IRAK1: variants seen among roughly 807,000 people sequenced by gnomAD.
The protein encoded by IRAK1 is interleukin-1 receptor-associated kinase 1.
A neutral mutation model predicts 49.8 loss-of-function variants in IRAK1; 9 were observed. The ratio of observed to expected loss-of-function variants is 0.18; its 90% CI spans 0.11 to 0.32. The LOEUF (loss-of-function observed/expected upper bound fraction) is 0.32. IRAK1 is among the 10% of genes least tolerant of loss of function. The pLI is 1.00. For missense variants in IRAK1, 418 were observed against 600.5 expected (o/e 0.70, Z 3.18); for synonymous variants, 282 against 270.8 (o/e 1.04, Z -0.41).
In IRAK1 at chrX:154,014,228, G is replaced by A. The variant is rs1557128501; in HGVS notation, c.1353C>T (p.Ser451=). Residue 451 remains serine, a synonymous_variant, in exon 11 of 14, where the codon AGC becomes AGT. Transcript: ENST00000369980. ...GACCTGCTTGCAGTGTGCTCTGGGTGCTTCTCAAAGCCACTCCAGCCTCCT... is the reference window on the plus strand; with the variant it reads ...GACCTGCTTGCAGTGTGCTCTGGGTACTTCTCAAAGCCACTCCAGCCTCCT... ...EAEEAGVALR[S]TQSTLQAGLA... is the part of the protein sequence containing the mutation. 3 of 1,205,715 alleles carry A rather than the reference G, an allele frequency of 2.5e-6. No individual in the cohort carries two copies. In the East Asian group the frequency reaches 8.9e-5, roughly 36 times the overall value.
rs782732439 is a variant in IRAK1, at chrX:154,016,987, A to C, written c.990T>G (p.His330Gln). 1 of 1,208,922 alleles carries C rather than the reference A, an allele frequency of 8.3e-7. No homozygotes were observed. Among genetic ancestry groups the C allele is most frequent in the Non-Finnish European group, 1.1e-6 (1 of 892,765 alleles). ...CATGGATGAGGCTGGGGCTGTCCTG[A>C]TGTAGAAACTGAATTGCCCGGGCTG... Reference protein sequence around the residue: ...LGTARAIQFLHQDSPSLIHGD... With the variant: ...LGTARAIQFLQQDSPSLIHGD... Residue 330 changes from histidine to glutamine, a missense_variant, in exon 8 of 14, where the codon CAT (histidine) becomes CAG (glutamine). His to Gln is a conservative substitution (Grantham distance 24, BLOSUM62 0). This residue lies in a region of IRAK1 where 377 missense variants were observed against 499.5 expected (regional missense o/e 0.75). Transcript: ENST00000369980.
rs1557129887 is a variant in IRAK1, at chrX:154,018,010, C to A, written c.905G>T (p.Cys302Phe). The A allele has an allele frequency of 8.4e-7, 1 of 1,193,178 alleles. No individual in the cohort carries two copies. Among genetic ancestry groups the A allele is most frequent in the South Asian group, 1.8e-5 (1 of 56,597 alleles). Residue 302 changes from cysteine (C) to phenylalanine (F), a missense_variant, in exon 7 of 14, where the codon TGC (cysteine) becomes TTC (phenylalanine). Physicochemically the swap from Cys to Phe is radical, Grantham distance 205. Transcript: ENST00000369980. ...TGCCGGGCCAGGTGAGCCTACCTGG[C>A]AGTGGAGACGGTCCTCCAGGGAGCC... is the stretch of plus-strand genomic sequence containing the variant. ...PNGSLEDRLH[C>F]QTQACPPLSW...
intron 9 of IRAK1, 86 bp from the exon 10 acceptor site, chrX:154,016,183 G>C (rs1433948344): frequency 2.4e-6 from 2 of 841,116 alleles, no homozygotes. Context: ...CCTGACAAGG[G>C]TGTGGACAAA....
rs1223977880 is a variant in IRAK1 at position 154,019,324 on chromosome X, G to A, written c.309C>T (p.His103=). Residue 103 remains histidine, a synonymous_variant, in exon 3 of 14, where the codon CAC becomes CAT. Transcript: ENST00000369980. Reference sequence around the variant, plus strand: ...CTGGGGACGGAAGCGGGGCGGGAGGGTGCCCTGGGACGCCAAGGAAGGAAA... The same window carrying A: ...CTGGGGACGGAAGCGGGGCGGGAGGATGCCCTGGGACGCCAAGGAAGGAAA... ...LRARDIITAW[H]PPAPLPSPGT... 8.6e-7 allele frequency: 1 copy of A among 1,162,592 alleles called. No individual in the cohort carries two copies. Among genetic ancestry groups the A allele is most frequent in the Non-Finnish European group, 1.1e-6 (1 of 870,072 alleles).
At chrX:154,015,421 G>A (rs1274421981) in intron 10 of IRAK1, among the ~76,000 whole-genome samples, 1 of 112,655 alleles carries the variant, frequency 8.9e-6, no homozygotes, top group African/African-American at 3.2e-5. Flanking sequence ...ACAGCACACA[G>A]GAACCGCCCC....
rs1557127304 is a variant in IRAK1, at chrX:154,011,109, G to A, written c.*750C>T. The stretch of plus-strand genomic sequence containing the variant: ...TCCCAGGGTTTTTCTTTTTGAAACA[G>A]GGTCTTGCTCTGTCACCCAGGCTGG... On this transcript the variant is annotated 3_prime_UTR_variant, in exon 14 of 14. Coordinates refer to ENST00000369980, the MANE Select transcript of IRAK1 (RefSeq NM_001569.4). The A allele has an allele frequency of 2.9e-6, 1 of 339,530 alleles. No homozygotes were observed. Among genetic ancestry groups the A allele is most frequent in the African/African-American group, 2.6e-5 (1 of 37,747 alleles). 28.0% of individuals were successfully genotyped at this position (339,530 alleles called of 1,213,427 possible).
rs782721815 is a variant in IRAK1 at position 154,014,216 on chromosome X, T to G, written c.1365A>C (p.Thr455=). The G allele has an allele frequency of 3.3e-6, 4 of 1,209,900 alleles. No homozygotes were observed. Among genetic ancestry groups the G allele is most frequent in the Non-Finnish European group, 3.4e-6 (3 of 894,529 alleles). Reference sequence around the variant, plus strand: ...CATCTGCAGCCAGACCTGCTTGCAGTGTGCTCTGGGTGCTTCTCAAAGCCA... The same window carrying G: ...CATCTGCAGCCAGACCTGCTTGCAGGGTGCTCTGGGTGCTTCTCAAAGCCA... The part of the protein sequence containing the change: ...AGVALRSTQS[T]LQAGLAADAW... Residue 455 remains threonine, a synonymous_variant, in exon 11 of 14, where the codon ACA becomes ACC. Coordinates refer to ENST00000369980, the MANE Select transcript of IRAK1 (RefSeq NM_001569.4).
At chrX:154,014,392 AAG>A in intron 10 of IRAK1, 114 bp from the exon 11 acceptor site, 2 of 668,531 alleles carry the variant, frequency 3.0e-6, no homozygotes, top group Admixed American at 7.6e-5. Flanking sequence ...AAAAAAAAAA[AAG>A]AGATGGGGTC....
At chrX:154,012,888 A>G (rs1360914870) in intron 12 of IRAK1, among the ~76,000 whole-genome samples, 155 bp downstream of exon 12, 2 of 113,015 alleles carry the variant, frequency 1.8e-5, no homozygotes, top group Non-Finnish European at 3.8e-5. Flanking sequence ...CCTGGGAAGG[A>G]TGTGGCCTGG....
chrX:154,017,327 G>A (rs782154884), intron 7 of IRAK1, among the ~76,000 whole-genome samples: 4 of 112,500 alleles, frequency 3.6e-5, no homozygotes, highest in East Asian at 5.6e-4. Flanking sequence ...GTCCTTGAAG[G>A]CATTCTTCCC....
In IRAK1 at chrX:154,011,370, G is replaced by A. The variant is rs942588241; in HGVS notation, c.*489C>T. ...CTCCCAAAGTGCTGGGATTACAGGC[G>A]TGAGCCACCGCACCCGGCCACACTT... On this transcript the variant is annotated 3_prime_UTR_variant, in exon 14 of 14. Coordinates refer to ENST00000369980, the MANE Select transcript of IRAK1 (RefSeq NM_001569.4). The A allele has an allele frequency of 2.8e-5, 7 of 247,081 alleles. No homozygotes were observed. The highest frequency in any genetic ancestry group is 2.6e-4 in the Admixed American group (5 of 18,934). 20.4% of individuals were successfully genotyped at this position (247,081 alleles called of 1,213,427 possible).
chrX:154,015,723 C>T (rs1270492355), intron 10 of IRAK1, among the ~76,000 whole-genome samples: 2 of 112,024 alleles, frequency 1.8e-5, no homozygotes, highest in African/African-American at 3.2e-5. Flanking sequence ...TCTCTACCAC[C>T]GCCTTTCTCC....
chrX:154,013,987 G>A, intron 11 of IRAK1, 55 bp downstream of exon 11: 1 of 1,171,354 alleles, frequency 8.5e-7, no homozygotes, highest in Non-Finnish European at 1.1e-6. Context: ...ACAGAGCAAG[G>A]CCTGGAATGC....
chrX:154,016,458 C>G lies in IRAK1; in HGVS notation c.1215G>C (p.Thr405=). Residue 405 remains threonine, a synonymous_variant, in exon 9 of 14, where the codon ACG becomes ACC. Transcript: ENST00000369980. ...TCACCACCCCAAAGCTGAAGGTGTC[C>G]GTGTCCACAGCCAGCCTTCCCGTCT... ...YIKTGRLAVD[T]DTFSFGVVVL... 5 of 1,211,275 alleles carry G rather than the reference C, an allele frequency of 4.1e-6. No homozygotes were observed. Among genetic ancestry groups the G allele is most frequent in the Non-Finnish European group, 5.6e-6 (5 of 894,834 alleles).
In IRAK1 at chrX:154,012,782, C is replaced by T. The variant is rs3027904; in HGVS notation, c.1931-104G>A. On this transcript the variant is annotated intron_variant, in intron 12 of 13. Transcript: ENST00000369980. ...CAGGCCTGAATTCCTCAGAGAAGTCCAAGGGCAGGGCCCAGCTCTCAGGCT... is the reference window on the plus strand; with the variant it reads ...CAGGCCTGAATTCCTCAGAGAAGTCTAAGGGCAGGGCCCAGCTCTCAGGCT... 4.6e-3 allele frequency: 4,267 copies of T among 936,165 alleles called. 113 individuals are homozygous for T. The African/African-American group carries it at 0.073, about 16-fold the overall frequency. The allele number at this position is 936,165 out of a possible 1,213,427, so 77.2% of individuals were successfully genotyped here.
In IRAK1 at chrX:154,018,765, G is replaced by A. The variant is rs1461634431; in HGVS notation, c.563C>T (p.Ser188Phe). 1.1e-6 allele frequency: 1 copy of A among 872,681 alleles called. No homozygotes were observed. The highest frequency in any genetic ancestry group is 1.7e-6 in the Non-Finnish European group (1 of 588,072). 71.9% of individuals were successfully genotyped at this position (872,681 alleles called of 1,213,427 possible). The change falls in exon 5 of 14, where the codon TCC (serine) becomes TTC (phenylalanine). Residue 188 changes from serine to phenylalanine, a missense_variant. By Grantham distance (155) the Ser-to-Phe change is radical. Coordinates refer to ENST00000369980, the MANE Select transcript of IRAK1 (RefSeq NM_001569.4). The stretch of plus-strand genomic sequence containing the variant: ...AAAGGGGCGGGCTCCCTGCAGGAGG[G>A]ACACTGAGCTCTCTGGGCCTGGCTG... ...STKPGPESSV[S>F]LLQGARPFPF...
rs906604012 is a variant in IRAK1 at position 154,019,214 on chromosome X, G to A, written c.419C>T (p.Ser140Phe). 1 of 1,211,145 alleles carries A rather than the reference G, an allele frequency of 8.3e-7. No individual in the cohort carries two copies. Among genetic ancestry groups the A allele is most frequent in the Admixed American group, 2.2e-5 (1 of 46,039 alleles). Residue 140 changes from serine (S) to phenylalanine (F), a missense_variant, in exon 3 of 14, where the codon TCC becomes TTC. This residue lies in a region of IRAK1 where 377 missense variants were observed against 499.5 expected (regional missense o/e 0.75). Coordinates refer to ENST00000369980, the MANE Select transcript of IRAK1 (RefSeq NM_001569.4). ...CCTCTTACCTGGGGAGAGGAAGGTG[G>A]AGGCTGAGGATGGCAACTTCCGGGG... ...WSPRKLPSSASTFLSPAFPGS... is the reference protein window; with the variant it reads ...WSPRKLPSSAFTFLSPAFPGS...
At chrX:154,019,126 C>G (rs1557130611) in intron 3 of IRAK1, 48 bp from the exon 4 acceptor site, 2 of 1,204,299 alleles carry the variant, frequency 1.7e-6, no homozygotes, top group South Asian at 3.5e-5. Context: ...GCAGCAGGGT[C>G]TACAGCCGTG....
At chrX:154,014,371 TAAAAAA>T (rs146868205) in intron 10 of IRAK1, 93 bp from the exon 11 acceptor site, 8,948 of 505,078 alleles carry the variant, frequency 0.018, 2 homozygotes, top group Non-Finnish European at 0.02. Context: ...TGGGTTTTGA[TAAAAAA>T]AAAAAAAAAA....
Sources: gnomAD v4.1 joint callset for allele counts (sites outside exome capture counted in the v4.1 genomes callset) on GRCh38, gnomAD v4.1.1 for gene constraint, gnomAD v4.1.1 regional missense constraint, MANE v1.5 for transcripts, NCBI Gene and HGNC (gene_info 2026-07-23, HGNC 2026-07-21) for gene names.